The following GARRE1 variants were observed in gnomAD, a reference collection of about 807,000 sequenced individuals.
The protein encoded by GARRE1 is granule associated Rac and RHOG effector protein 1.
Under a neutral mutation model 103.2 loss-of-function variants are expected in GARRE1, and 49 were observed. That is an observed-to-expected ratio of 0.47 (90% CI 0.38 to 0.60). The LOEUF is 0.60. Ranked by LOEUF, GARRE1 falls within the 20% of genes least tolerant of loss-of-function variation. The pLI, the probability that GARRE1 is intolerant of heterozygous loss-of-function variation, is 0.00. For missense variants in GARRE1, 1,199 were observed against 1,370.5 expected (o/e 0.87, Z 1.98); for synonymous variants, 505 against 532.8 (o/e 0.95, Z 0.72).
chr19:34,313,854 G>A (rs985823807), intron 2 of GARRE1, among the ~76,000 whole-genome samples: 2 of 152,166 alleles, frequency 1.3e-5, no homozygotes, highest in Non-Finnish European at 2.9e-5. Context: ...AGGCTGGAGT[G>A]CAGTGATGTG....
intron 3 of GARRE1, among the ~76,000 whole-genome samples, chr19:34,322,202 G>A (rs1042098141): frequency 5.9e-5 from 9 of 152,230 alleles, no homozygotes; most frequent in South Asian, 2.1e-4. Context: ...ACAGAGTTTC[G>A]CTCTTGTTGC....
At chr19:34,351,723 G>T in intron 13 of GARRE1, 131 bp downstream of exon 13, 1 of 677,706 alleles carries the variant, frequency 1.5e-6, no homozygotes, top group Non-Finnish European at 2.7e-6. Context: ...CACCTCAGCT[G>T]ACTCAGAGCC....
At chr19:34,338,372 C>CA (rs1407679938) in intron 8 of GARRE1, among the ~76,000 whole-genome samples, 2 of 152,050 alleles carry the variant, frequency 1.3e-5, no homozygotes, top group South Asian at 2.1e-4. Flanking sequence ...CCCATCTCTA[C>CA]AAAAAAATTA....
At chr19:34,269,148 G>A (rs1256567558) in intron 1 of GARRE1, among the ~76,000 whole-genome samples, 1 of 152,168 alleles carries the variant, frequency 6.6e-6, no homozygotes, top group Non-Finnish European at 1.5e-5. Context: ...CTTCAGAACC[G>A]CTAATGATAA....
At chr19:34,317,913 GC>G (rs2074067280) in intron 2 of GARRE1, among the ~76,000 whole-genome samples, 1 of 152,144 alleles carries the variant, frequency 6.6e-6, no homozygotes, top group Non-Finnish European at 1.5e-5. Context: ...TGTCTAACTG[GC>G]CTAGGTGCGC....
At chr19:34,351,740 A>G (rs1311471704) in intron 13 of GARRE1, 148 bp downstream of exon 13, 6 of 653,096 alleles carry the variant, frequency 9.2e-6, no homozygotes, top group Admixed American at 4.3e-5. Context: ...AGCCACAGGA[A>G]GCTCTACGGC....
At position 34,352,734 on chromosome 19, in the gene GARRE1, C is replaced by T. The variant is rs769228885; in HGVS notation, c.2992C>T (p.Leu998Phe). Residue 998 changes from leucine (L) to phenylalanine (F), a missense_variant, in exon 14 of 14, where the codon CTC becomes TTC. Leu to Phe is a conservative substitution (Grantham distance 22). Coordinates refer to ENST00000299505, the MANE Select transcript of GARRE1 (RefSeq NM_014686.5). ...CACGCTGCCCAGCCCCAGCGCACCA[C>T]TCTATGCAGTCACCAGCCCTGGCAG... is the stretch of plus-strand genomic sequence containing the variant. The part of the protein sequence containing the change: ...PSTLPSPSAP[L>F]YAVTSPGSQW... 1.4e-5 allele frequency: 23 copies of T among 1,614,184 alleles called. No homozygotes were observed. The highest frequency in any genetic ancestry group is 1.6e-4 in the Middle Eastern group (1 of 6,062).
chr19:34,264,603 T>C lies in GARRE1; in HGVS notation c.-796+9989T>C, dbSNP rs894083661. ...TTAGTAGAGACGGGGTTTCACTGTG[T>C]TAGCCAGGATGGTCTTGATCTCCTG... is the stretch of plus-strand genomic sequence containing the variant. On this transcript the variant is annotated intron_variant, in intron 1 of 13. Coordinates refer to ENST00000299505, the MANE Select transcript of GARRE1 (RefSeq NM_014686.5). Among the ~76,000 whole-genome samples the C allele has an allele frequency of 1.1e-3, 164 of 152,164 alleles. 1 individual carries two copies. The highest frequency in any genetic ancestry group is 2.2e-3 in the Non-Finnish European group (153 of 68,030).
At chr19:34,327,892 G>GGGGA (rs768142103) in intron 5 of GARRE1, 26 bp downstream of exon 5, 20 of 1,613,292 alleles carry the variant, frequency 1.2e-5, no homozygotes, top group Non-Finnish European at 1.7e-5. Context: ...CTAAAGCTCT[G>GGGGA]GGGACCTATG....
chr19:34,323,097 G>A (rs62122217), intron 3 of GARRE1, among the ~76,000 whole-genome samples: 14 of 115,434 alleles, frequency 1.2e-4, no homozygotes, highest in African/African-American at 4.3e-4. Flanking sequence ...GTGGTGCGAT[G>A]TTGGCTCACT....
intron 1 of GARRE1, among the ~76,000 whole-genome samples, chr19:34,261,878 C>G (rs2073720569): frequency 6.6e-6 from 1 of 152,204 alleles, no homozygotes; most frequent in Non-Finnish European, 1.5e-5. Context: ...AGGTTTGATG[C>G]TGAGAGCTTT....
At chr19:34,345,794 C>G (rs975722683) in intron 10 of GARRE1, among the ~76,000 whole-genome samples, 9 of 152,206 alleles carry the variant, frequency 5.9e-5, no homozygotes, top group African/African-American at 1.9e-4. Context: ...TGCACTCCGG[C>G]TTGGATAACA....
At chr19:34,323,099 T>C (rs936094660) in intron 3 of GARRE1, among the ~76,000 whole-genome samples, 1 of 141,482 alleles carries the variant, frequency 7.1e-6, no homozygotes, top group African/African-American at 2.6e-5. Context: ...GGTGCGATGT[T>C]GGCTCACTGC....
At position 34,352,869 on chromosome 19, in the gene GARRE1, CCACCAG is replaced by C; in HGVS notation, c.3131_3136del (p.Pro1044_Ala1045del). 1 of 1,589,446 alleles carries C rather than the reference CCACCAG, an allele frequency of 6.3e-7. No homozygotes were observed. Reference sequence around the variant, plus strand: ...GCAGACCCCACCCCAGCCCCCACCCCCACCAGCACACAAGGCAGCACCCAAGGGCTT... The same window carrying C: ...GCAGACCCCACCCCAGCCCCCACCCCCACACAAGGCAGCACCCAAGGGCTT... On this transcript the variant is annotated inframe_deletion, in exon 14 of 14. Transcript: ENST00000299505.
At chr19:34,337,480 A>G (rs1482114336) in intron 8 of GARRE1, among the ~76,000 whole-genome samples, 1 of 152,200 alleles carries the variant, frequency 6.6e-6, no homozygotes, top group East Asian at 1.9e-4. Flanking sequence ...CCTGTCATGC[A>G]GAGAGCCGAT....
intron 1 of GARRE1, among the ~76,000 whole-genome samples, chr19:34,283,830 C>CTTTTT (rs11335136): frequency 3.5e-4 from 41 of 117,192 alleles, no homozygotes; most frequent in South Asian, 5.5e-4. Context: ...TTCTTTCTTT[C>CTTTTT]TTTTTTTTTT....
chr19:34,349,652 T>G (rs1274518030), intron 12 of GARRE1, among the ~76,000 whole-genome samples: 1 of 152,100 alleles, frequency 6.6e-6, no homozygotes, highest in Non-Finnish European at 1.5e-5. Context: ...TAGAAATAAG[T>G]AGAGAAACTG....
chr19:34,333,559 A>G, intron 7 of GARRE1, 145 bp from the exon 8 acceptor site: 3 of 595,776 alleles, frequency 5.0e-6, no homozygotes, highest in South Asian at 4.4e-5. Flanking sequence ...TGTTGTCTTC[A>G]CGGGGCCCTG....
chr19:34,313,131 A>G (rs548127173), intron 2 of GARRE1, among the ~76,000 whole-genome samples: 1 of 152,248 alleles, frequency 6.6e-6, no homozygotes, highest in Admixed American at 6.5e-5. Flanking sequence ...TTTCTACAGG[A>G]TAGTTGCATA....
Sources: gnomAD v4.1 joint callset for allele counts (sites outside exome capture counted in the v4.1 genomes callset) on GRCh38, gnomAD v4.1.1 for gene constraint, MANE v1.5 for transcripts, NCBI Gene and HGNC (gene_info 2026-07-23, HGNC 2026-07-21) for gene names.